Variants in DPP6 observed in about 807,000 individuals in gnomAD.
The protein encoded by DPP6 is A-type potassium channel modulatory protein DPP6.
In DPP6, 69 loss-of-function variants were observed where a neutral mutation model predicts 122.6. That is an observed-to-expected ratio of 0.56 (90% confidence interval 0.46 to 0.69). The LOEUF (loss-of-function observed/expected upper bound fraction) is 0.69, where lower values mean the gene tolerates loss of function less well. Ranked by LOEUF, DPP6 falls within the 30% of genes least tolerant of loss-of-function variation. The probability of loss-of-function intolerance (pLI) is 0.00; values close to 1 mark genes in which losing one functional copy is unlikely to be tolerated. For synonymous variants in DPP6, 418 were observed against 433.1 expected (o/e 0.97, Z 0.43); for missense variants, 928 against 1,116.9 (o/e 0.83, Z 2.41).
chr7:154,266,871 T>C (rs539970032), intron 1 of DPP6, among the ~76,000 whole-genome samples: 4 of 152,324 alleles, frequency 2.6e-5, no homozygotes, highest in Admixed American at 6.5e-5. Flanking sequence ...CATTCTCTCA[T>C]GAGTATGAAA....
intron 1 of DPP6, among the ~76,000 whole-genome samples, chr7:154,059,983 C>T (rs1384165404): frequency 2.0e-5 from 3 of 152,044 alleles, no homozygotes; most frequent in Non-Finnish European, 4.4e-5. Flanking sequence ...ATCCCCTCTT[C>T]CCCCCTGGCT....
intron 1 of DPP6, among the ~76,000 whole-genome samples, chr7:154,304,213 CTT>C (rs1806102512): frequency 6.6e-6 from 1 of 152,256 alleles, no homozygotes; most frequent in African/African-American, 2.4e-5. Context: ...CAACAGAGAG[CTT>C]GGCCACATGC....
chr7:154,255,868 A>G (rs980500063), intron 1 of DPP6, among the ~76,000 whole-genome samples: 3 of 152,320 alleles, frequency 2.0e-5, no homozygotes, highest in East Asian at 3.9e-4. Flanking sequence ...ACTATGTCCA[A>G]TAAATACTTG....
rs577784205 is a variant in DPP6 at position 154,877,198 on chromosome 7, C to T, written c.2078+1098C>T. ...CAGCGAATGGTCTTTCAATGGAAAACAATGAGCGTGTGAATGAATGGTTCC... is the reference window on the plus strand; with the variant it reads ...CAGCGAATGGTCTTTCAATGGAAAATAATGAGCGTGTGAATGAATGGTTCC... On this transcript the variant is annotated intron_variant, in intron 20 of 25. Transcript: ENST00000377770. This position sits in a 1 kb window ranked among gnomAD's most constrained non-coding sequence, Gnocchi z 5.2. The T allele has an allele frequency of 6.6e-6, 1 of 152,316 alleles. No individual in the cohort carries two copies. Among genetic ancestry groups the T allele is most frequent in the East Asian group, 1.9e-4 (1 of 5,182 alleles). 9.4% of individuals were successfully genotyped at this position (152,316 alleles called of 1,614,324 possible).
chr7:153,793,649 C>A, the DPP6 span, among the ~76,000 whole-genome samples: 3 of 150,280 alleles, frequency 2.0e-5, no homozygotes, highest in East Asian at 1.9e-4. Flanking sequence ...ATCCCCAGGA[C>A]AATGGGGAAA....
chr7:154,051,417 G>A (rs577254558), upstream of DPP6, among the ~76,000 whole-genome samples: 2 of 151,450 alleles, frequency 1.3e-5, no homozygotes, highest in South Asian at 4.2e-4. Context: ...GGAGAGGAGT[G>A]CAGAAGGGAG....
intron 5 of DPP6, among the ~76,000 whole-genome samples, chr7:154,599,563 A>T (rs1427078235): frequency 6.6e-6 from 1 of 151,658 alleles, no homozygotes; most frequent in Non-Finnish European, 1.5e-5. Context: ...CACAACGTGC[A>T]GGTTTGTTAC....
chr7:154,794,961 A>G lies in DPP6; in HGVS notation c.1260+759A>G, dbSNP rs992716058. ...GGGGCCAAGGCTTGCAGGCATATTT[A>G]CTTGAGAGGCTCCTAACACGACAGC... On this transcript the variant is annotated intron_variant, in intron 11 of 25. Transcript: ENST00000377770. 3.9e-5 allele frequency among the ~76,000 whole-genome samples: 6 copies of G among 152,106 alleles called. No individual in the cohort carries two copies. The East Asian group carries it at 1.2e-3, about 29-fold the overall frequency.
At chr7:154,686,069 C>G (rs543200852) in intron 7 of DPP6, among the ~76,000 whole-genome samples, 1 of 148,846 alleles carries the variant, frequency 6.7e-6, no homozygotes, top group African/African-American at 2.5e-5. Flanking sequence ...TTAGATAGGG[C>G]TCACAATGTT....
At chr7:154,292,663 A>AACATTCTT (rs1429305302) in intron 1 of DPP6, among the ~76,000 whole-genome samples, 3 of 152,192 alleles carry the variant, frequency 2.0e-5, no homozygotes, top group African/African-American at 7.2e-5. Flanking sequence ...AAGGGATCTG[A>AACATTCTT]ACATTCTTAA....
At chr7:153,820,439 G>C in the DPP6 span, among the ~76,000 whole-genome samples, 2 of 152,142 alleles carry the variant, frequency 1.3e-5, no homozygotes, top group African/African-American at 4.8e-5. Context: ...TTATTTAGCA[G>C]AGGCCTTCAG....
At chr7:153,830,305 G>C in the DPP6 span, among the ~76,000 whole-genome samples, 1 of 152,076 alleles carries the variant, frequency 6.6e-6, no homozygotes, top group Admixed American at 6.5e-5. Flanking sequence ...AGCTTGGAAG[G>C]GTTTCAAAGC....
intron 1 of DPP6, among the ~76,000 whole-genome samples, chr7:154,341,180 A>C (rs1426606363): frequency 6.6e-6 from 1 of 152,166 alleles, no homozygotes; most frequent in East Asian, 1.9e-4. Context: ...AAACATGCTG[A>C]TGATGCCAAA....
chr7:154,410,184 G>C (rs1310885914), intron 1 of DPP6, among the ~76,000 whole-genome samples: 2 of 152,224 alleles, frequency 1.3e-5, no homozygotes, highest in African/African-American at 4.8e-5. Flanking sequence ...TGGAAACAGA[G>C]CTTACATAAC....
At chr7:154,246,609 A>G (rs1238507125) in intron 1 of DPP6, among the ~76,000 whole-genome samples, 1 of 152,240 alleles carries the variant, frequency 6.6e-6, no homozygotes, top group Non-Finnish European at 1.5e-5. Flanking sequence ...ACAAATTTCA[A>G]TAACTTCCAC....
intron 16 of DPP6, among the ~76,000 whole-genome samples, chr7:154,808,830 C>T (rs900284790): frequency 3.9e-5 from 6 of 152,124 alleles, no homozygotes; most frequent in Admixed American, 3.3e-4. Flanking sequence ...CAGGAGGCAG[C>T]TTCAGCACAC....
At chr7:153,917,263 A>G (rs1317098105) in intron 1 of DPP6, among the ~76,000 whole-genome samples, 3 of 152,252 alleles carry the variant, frequency 2.0e-5, no homozygotes, top group African/African-American at 4.8e-5. Context: ...ATTAGGACAC[A>G]GTGCCTATCA....
intron 1 of DPP6, chr7:154,058,384 G>GA (rs1384441875): frequency 6.8e-6 from 1 of 146,262 alleles, no homozygotes; most frequent in African/African-American, 2.5e-5. Context: ...TGGCTCTGAG[G>GA]ACCCCCATCG....
At chr7:153,921,202 G>A (rs1800621943) in intron 1 of DPP6, among the ~76,000 whole-genome samples, 2 of 152,210 alleles carry the variant, frequency 1.3e-5, no homozygotes, top group South Asian at 2.1e-4. Flanking sequence ...GGATCCCAGA[G>A]GGAAGAAGAC....
Sources: gnomAD v4.1 joint callset for allele counts (sites outside exome capture counted in the v4.1 genomes callset) on GRCh38, gnomAD v4.1.1 for gene constraint, Gnocchi (gnomAD v3.1) non-coding constraint, MANE v1.5 for transcripts, NCBI Gene and HGNC (gene_info 2026-07-23, HGNC 2026-07-21) for gene names.